Variants in MGAT4C observed in about 807,000 individuals in gnomAD.
MGAT4C encodes MGAT4 family member C.
Under a neutral mutation model 40.1 loss-of-function variants are expected in MGAT4C, and 19 were observed. The observed-to-expected ratio is 0.47, with a 90% confidence interval of 0.33 to 0.70. MGAT4C has a LOEUF of 0.70. Among genes scored for constraint, MGAT4C ranks in the 30% least tolerant of loss-of-function variants. The pLI is 0.02. For missense variants in MGAT4C, 491 were observed against 563.2 expected, an observed-to-expected ratio of 0.87 and a Z score of 1.30; for synonymous variants, 181 against 187.1, an observed-to-expected ratio of 0.97 and a Z score of 0.27.
chr12:86,540,682 G>A (rs985232570), intron 2 of MGAT4C, among the ~76,000 whole-genome samples: 1 of 152,164 alleles, frequency 6.6e-6, no homozygotes, highest in Non-Finnish European at 1.5e-5. Flanking sequence ...GTTGCAGTGA[G>A]CCGAGATTGC....
intron 4 of MGAT4C, among the ~76,000 whole-genome samples, chr12:86,287,274 G>A (rs779802872): frequency 6.6e-6 from 1 of 151,768 alleles, no homozygotes; most frequent in Admixed American, 6.6e-5. Flanking sequence ...TTTTTTTACC[G>A]TTTAATAATA....
chr12:86,097,184 C>A (rs1243761474), intron 1 of MGAT4C, among the ~76,000 whole-genome samples: 4 of 151,480 alleles, frequency 2.6e-5, no homozygotes, highest in Non-Finnish European at 4.4e-5. Context: ...CTAAATAAGT[C>A]CTGATTCAAC....
At chr12:86,686,921 C>G (rs138354833) in intron 2 of MGAT4C, among the ~76,000 whole-genome samples, 1 of 152,210 alleles carries the variant, frequency 6.6e-6, no homozygotes, top group Admixed American at 6.5e-5. Context: ...ACCAGCTCCT[C>G]TTTGTACCTC....
intron 4 of MGAT4C, among the ~76,000 whole-genome samples, chr12:86,270,445 A>G (rs1452653451): frequency 6.6e-6 from 1 of 152,144 alleles, no homozygotes; most frequent in African/African-American, 2.4e-5. Context: ...GCCCCTAGCA[A>G]CCACAATTCT....
intron 3 of MGAT4C, among the ~76,000 whole-genome samples, chr12:86,371,093 C>T (rs1955706210): frequency 6.6e-6 from 1 of 151,946 alleles, no homozygotes; most frequent in Admixed American, 6.6e-5. Context: ...AAAAGGTGCT[C>T]ACATGCCTTG....
chr12:86,492,478 C>G (rs1210063706), intron 2 of MGAT4C, among the ~76,000 whole-genome samples: 1 of 152,066 alleles, frequency 6.6e-6, no homozygotes, highest in Non-Finnish European at 1.5e-5. Flanking sequence ...ACAGAGCCCT[C>G]AGAAATAACA....
chr12:86,100,013 A>C (rs1874677224), intron 1 of MGAT4C, among the ~76,000 whole-genome samples: 1 of 151,394 alleles, frequency 6.6e-6, no homozygotes, highest in African/African-American at 2.4e-5. Flanking sequence ...TAAGTGCACA[A>C]AAACTTTTTA....
intron 2 of MGAT4C, among the ~76,000 whole-genome samples, chr12:86,495,492 T>G (rs1958220651): frequency 6.6e-6 from 1 of 152,120 alleles, no homozygotes; most frequent in South Asian, 2.1e-4. Flanking sequence ...GCCATTCACA[T>G]CTGCATTATG....
intron 2 of MGAT4C, among the ~76,000 whole-genome samples, chr12:86,450,044 G>T (rs1957398645): frequency 6.6e-6 from 1 of 152,052 alleles, no homozygotes; most frequent in Non-Finnish European, 1.5e-5. Context: ...TGAAGAAAAA[G>T]TATTGTGTTG....
At chr12:86,376,881 AAG>A (rs35606989) in intron 3 of MGAT4C, among the ~76,000 whole-genome samples, 93,977 of 145,664 alleles carry the variant, frequency 0.65, 31,196 homozygotes, top group South Asian at 0.78. Flanking sequence ...GAAAAAGAGA[AAG>A]AGAGCTGTTG....
intron 2 of MGAT4C, among the ~76,000 whole-genome samples, chr12:86,498,894 C>G (rs895199356): frequency 1.3e-5 from 2 of 151,886 alleles, no homozygotes; most frequent in Non-Finnish European, 2.9e-5. Flanking sequence ...ACTGGAAGTA[C>G]TGCCAAGAAG....
At chr12:86,421,243 G>A (rs1956820353) in intron 3 of MGAT4C, among the ~76,000 whole-genome samples, 1 of 152,064 alleles carries the variant, frequency 6.6e-6, no homozygotes, top group Admixed American at 6.6e-5. Flanking sequence ...CACAAAAAAA[G>A]TGTTTAGGCT....
chr12:86,494,591 G>T (rs908555813), intron 2 of MGAT4C, among the ~76,000 whole-genome samples: 1 of 151,280 alleles, frequency 6.6e-6, no homozygotes, highest in African/African-American at 2.4e-5. Flanking sequence ...TATAAATGAT[G>T]CAAGAAACCC....
At chr12:86,686,017 C>T (rs1950066058) in intron 2 of MGAT4C, among the ~76,000 whole-genome samples, 1 of 146,904 alleles carries the variant, frequency 6.8e-6, no homozygotes, top group African/African-American at 2.5e-5. Flanking sequence ...CACCTGCCAC[C>T]ATGCCTGGCT....
chr12:86,035,819 T>G (rs1237516521), intron 2 of MGAT4C, among the ~76,000 whole-genome samples: 1 of 150,004 alleles, frequency 6.7e-6, no homozygotes, highest in African/African-American at 2.4e-5. Context: ...CCCAACACCA[T>G]TTATTAAATA....
rs1443342324 is a variant in MGAT4C, at chr12:85,957,531, T to A, written c.*21758A>T. On this transcript the variant is annotated 3_prime_UTR_variant, in exon 5 of 5. Coordinates refer to ENST00000611864, the MANE Select transcript of MGAT4C (RefSeq NM_001351288.2). ...TATTAAGCATGCTACATATATCTGTTAGCTGTGAAGGAAGACAAAAATTGA... is the reference window on the plus strand; with the variant it reads ...TATTAAGCATGCTACATATATCTGTAAGCTGTGAAGGAAGACAAAAATTGA... The A allele has an allele frequency of 6.6e-6, 1 of 152,026 alleles. No individual in the cohort carries two copies. Among genetic ancestry groups the A allele is most frequent in the Non-Finnish European group, 1.5e-5 (1 of 68,004 alleles). 9.4% of individuals were successfully genotyped at this position (152,026 alleles called of 1,614,324 possible).
chr12:86,821,166 T>C (rs1170626206), intron 1 of MGAT4C, among the ~76,000 whole-genome samples: 3 of 150,926 alleles, frequency 2.0e-5, no homozygotes, highest in Middle Eastern at 3.4e-3. Context: ...CAGAGAAATT[T>C]TAGAAGGTAA....
At position 85,966,908 on chromosome 12, in the gene MGAT4C, G is replaced by C. The variant is rs568766911; in HGVS notation, c.*12381C>G. The C allele has an allele frequency of 1.7e-4, 26 of 149,866 alleles. No homozygotes were observed. The highest frequency in any genetic ancestry group is 5.6e-4 in the African/African-American group (23 of 40,844). 9.3% of individuals were successfully genotyped at this position (149,866 alleles called of 1,614,324 possible). ...CTGGGCCTGTTGTGGGGTCAGGGGA[G>C]GGGGGAGGGATAGCATTAGGAGATA... On this transcript the variant is annotated 3_prime_UTR_variant, in exon 5 of 5. Transcript: ENST00000611864.
Position 85,979,652 on chromosome 12 carries a change from G to A in MGAT4C, c.1074C>T (p.Ser358=). The part of the protein sequence containing the change: ...NMNVFENYEA[S]KAYSSVDEYF... Reference sequence around the variant, plus strand: ...ACTCATCAACACTACTGTAAGCCTTGCTTGCTTCATAATTTTCAAACACAT... The same window carrying A: ...ACTCATCAACACTACTGTAAGCCTTACTTGCTTCATAATTTTCAAACACAT... Residue 358 remains serine, a synonymous_variant, in exon 5 of 5, where the codon AGC becomes AGT. Transcript: ENST00000611864. 6.2e-7 allele frequency: 1 copy of A among 1,612,678 alleles called. No homozygotes were observed. Among genetic ancestry groups the A allele is most frequent in the Non-Finnish European group, 8.5e-7 (1 of 1,179,716 alleles).
Sources: gnomAD v4.1 joint callset for allele counts (sites outside exome capture counted in the v4.1 genomes callset) on GRCh38, gnomAD v4.1.1 for gene constraint, MANE v1.5 for transcripts, NCBI Gene and HGNC (gene_info 2026-07-23, HGNC 2026-07-21) for gene names.